PDE1A: variants seen among roughly 807,000 people sequenced by gnomAD.
PDE1A encodes dual specificity calcium/calmodulin-dependent 3',5'-cyclic nucleotide phosphodiesterase 1A.
PDE1A carries 35 observed loss-of-function variants against 61.7 expected under a neutral mutation model. That is an observed-to-expected ratio of 0.57 (90% confidence interval 0.43 to 0.75). The LOEUF is 0.75. Ranked by LOEUF, PDE1A falls within the 30% of genes least tolerant of loss-of-function variation. The pLI is 0.00. For synonymous variants in PDE1A, 232 were observed against 213.2 expected (o/e 1.09, Z -0.77); for missense variants, 597 against 630.6 (o/e 0.95, Z 0.57).
intron 1 of PDE1A, among the ~76,000 whole-genome samples, chr2:182,287,107 C>G (rs1239370905): frequency 2.0e-5 from 3 of 152,066 alleles, no homozygotes; most frequent in Non-Finnish European, 4.4e-5. Context: ...CTATGGTTTA[C>G]TCACATTGAT....
chr2:182,635,060 T>TA, the PDE1A span, among the ~76,000 whole-genome samples: 1 of 151,700 alleles, frequency 6.6e-6, no homozygotes, highest in African/African-American at 2.4e-5. Context: ...CCGCTCATTA[T>TA]AAAAAATGTG....
At chr2:182,651,145 T>C in the PDE1A span, among the ~76,000 whole-genome samples, 1 of 152,174 alleles carries the variant, frequency 6.6e-6, no homozygotes, top group Non-Finnish European at 1.5e-5. Context: ...TAGCTGGGAT[T>C]ACAGGCACCT....
chr2:182,283,056 C>T (rs75084775), intron 1 of PDE1A, among the ~76,000 whole-genome samples: 15,672 of 151,826 alleles, frequency 0.1, 1,159 homozygotes, highest in East Asian at 0.32. Context: ...TAGTAAATAC[C>T]TTAGGTGTTA....
At chr2:182,317,643 C>A (rs1328849351) in intron 1 of PDE1A, among the ~76,000 whole-genome samples, 7 of 151,884 alleles carry the variant, frequency 4.6e-5, no homozygotes, top group Non-Finnish European at 7.4e-5. Context: ...AGAGCAGAAA[C>A]CCTTCAGCAA....
At chr2:182,186,061 C>T (rs768778266) in exon 13 of PDE1A, 1 of 1,613,884 alleles carries the variant, frequency 6.2e-7, no homozygotes, top group Non-Finnish European at 8.5e-7. Flanking sequence ...CAATGTGTAA[C>T]CCCACAATGG....
chr2:182,492,296 C>G (rs966467343), intron 2 of PDE1A, among the ~76,000 whole-genome samples: 1 of 152,148 alleles, frequency 6.6e-6, no homozygotes, highest in Non-Finnish European at 1.5e-5. Flanking sequence ...AACTCTCATA[C>G]TAGCTTTTAA....
chr2:182,439,620 T>C (rs10206828), intron 2 of PDE1A, among the ~76,000 whole-genome samples: 9,190 of 152,072 alleles, frequency 0.06, 362 homozygotes, highest in African/African-American at 0.11. Context: ...GTTGGCAGCA[T>C]GGAAGCCACT....
the PDE1A span, among the ~76,000 whole-genome samples, chr2:182,599,204 TC>T: frequency 6.6e-6 from 1 of 152,158 alleles, no homozygotes; most frequent in Non-Finnish European, 1.5e-5. Context: ...GCCTGGCTTT[TC>T]CCTGCTATGG....
At chr2:182,279,856 GT>G (rs1033274312) in intron 1 of PDE1A, among the ~76,000 whole-genome samples, 1 of 151,522 alleles carries the variant, frequency 6.6e-6, no homozygotes, top group Non-Finnish European at 1.5e-5. Context: ...TACTTTGATT[GT>G]TTTTTTCTGG....
chr2:182,544,238 T>C, the PDE1A span, among the ~76,000 whole-genome samples: 7 of 152,166 alleles, frequency 4.6e-5, no homozygotes, highest in African/African-American at 9.7e-5. Context: ...CAGATACTAC[T>C]GAAATTAAAG....
Position 182,502,334 on chromosome 2 carries a change from T to G in PDE1A, c.101+19942A>C, listed in dbSNP as rs10931018. Among the ~76,000 whole-genome samples the G allele has an allele frequency of 3.8e-5, 5 of 130,124 alleles. No homozygotes were observed. In the South Asian group the frequency reaches 1.3e-3, roughly 34 times the overall value. 85.4% of individuals were successfully genotyped at this position (130,124 alleles called of 152,430 possible). On this transcript the variant is annotated intron_variant, in intron 2 of 14. Coordinates refer to the PDE1A transcript ENST00000410103. ...CTTTCGTGTGTGTGTGTGTGTGTGT[T>G]TGTGTGTGTGTCTGTGTGTCTGTGT...
the PDE1A span, among the ~76,000 whole-genome samples, chr2:182,685,471 C>T: frequency 6.6e-6 from 1 of 152,122 alleles, no homozygotes; most frequent in Admixed American, 6.5e-5. Flanking sequence ...TGGAGTCATA[C>T]AAACTTGGAA....
chr2:182,158,012 A>T (rs1299945780), intron 13 of PDE1A, among the ~76,000 whole-genome samples: 3 of 152,140 alleles, frequency 2.0e-5, no homozygotes, highest in African/African-American at 4.8e-5. Flanking sequence ...AAGTCTTTCC[A>T]CGTTATTTCT....
At chr2:182,239,262 GC>G (rs1211857969) in intron 3 of PDE1A, among the ~76,000 whole-genome samples, 9 of 151,922 alleles carry the variant, frequency 5.9e-5, no homozygotes, top group Non-Finnish European at 1.0e-4. Flanking sequence ...TTAATTTTAG[GC>G]ATATTGGCAA....
chr2:182,412,994 C>T (rs16823179), intron 1 of PDE1A, among the ~76,000 whole-genome samples: 5,962 of 152,208 alleles, frequency 0.039, 141 homozygotes, highest in Middle Eastern at 0.071. Flanking sequence ...GGACTTGAAG[C>T]ATGGACGAGG....
chr2:182,443,427 G>C (rs1684919125), intron 2 of PDE1A, among the ~76,000 whole-genome samples: 1 of 151,934 alleles, frequency 6.6e-6, no homozygotes, highest in African/African-American at 2.4e-5. Flanking sequence ...TCTCATTGTT[G>C]GAGGAGGTAC....
intron 13 of PDE1A, among the ~76,000 whole-genome samples, chr2:182,172,604 G>T (rs1373256583): frequency 1.3e-5 from 2 of 151,998 alleles, no homozygotes; most frequent in African/African-American, 4.8e-5. Flanking sequence ...TAGGCCTCCT[G>T]CAAATGCATT....
chr2:182,513,858 A>G (rs1240961275), intron 2 of PDE1A, among the ~76,000 whole-genome samples: 1 of 152,264 alleles, frequency 6.6e-6, no homozygotes, highest in Admixed American at 6.5e-5. Context: ...GAAGGGCATT[A>G]CATAATGATA....
chr2:182,442,334 A>G (rs12468743), intron 2 of PDE1A, among the ~76,000 whole-genome samples: 60,163 of 151,840 alleles, frequency 0.4, 12,419 homozygotes, highest in East Asian at 0.66. Flanking sequence ...AGGTTGAAGA[A>G]CCACTCCAAA....
Sources: allele counts gnomAD v4.1 joint callset (sites outside exome capture counted in the v4.1 genomes callset), GRCh38; gene constraint gnomAD v4.1.1; transcripts MANE v1.5; gene names NCBI Gene and HGNC (gene_info 2026-07-23, HGNC 2026-07-21).